AUTS2: variants seen among roughly 807,000 people sequenced by gnomAD.
AUTS2 encodes the protein autism susceptibility gene 2 protein.
AUTS2 carries 17 observed loss-of-function variants against 112.4 expected under a neutral mutation model. The ratio of observed to expected loss-of-function variants is 0.15; its 90% CI spans 0.10 to 0.23. The LOEUF is 0.23. Among genes scored for constraint, AUTS2 ranks in the 10% least tolerant of loss-of-function variants. The pLI is 1.00. For missense variants in AUTS2, 1,510 were observed against 1,701.6 expected, an observed-to-expected ratio of 0.89 and a Z score of 1.98; for synonymous variants, 751 against 702.7, an observed-to-expected ratio of 1.07 and a Z score of -1.09.
chr7:69,963,689 A>G (rs2129547215), intron 2 of AUTS2, among the ~76,000 whole-genome samples: 1 of 152,256 alleles, frequency 6.6e-6, no homozygotes, highest in Non-Finnish European at 1.5e-5. Context: ...TCTTACAGGA[A>G]TCCTCATTTT....
intron 2 of AUTS2, among the ~76,000 whole-genome samples, chr7:69,911,803 G>A (rs1047949331): frequency 6.6e-6 from 1 of 152,156 alleles, no homozygotes; most frequent in African/African-American, 2.4e-5. Flanking sequence ...AGCACCATCC[G>A]ATTGGCCAAA....
intron 6 of AUTS2, among the ~76,000 whole-genome samples, chr7:70,710,376 C>G (rs188848036): frequency 6.6e-6 from 1 of 152,152 alleles, no homozygotes; most frequent in Non-Finnish European, 1.5e-5. Context: ...TGTAGATAAT[C>G]GAAAGAATGT....
At chr7:70,120,097 T>C (rs1301430675) in intron 3 of AUTS2, 1 of 152,156 alleles carries the variant, frequency 6.6e-6, no homozygotes, top group Non-Finnish European at 1.5e-5. Context: ...GAGACCACTC[T>C]AGCACACTGA....
chr7:70,539,057 C>G (rs150917102), intron 5 of AUTS2, among the ~76,000 whole-genome samples: 1 of 152,090 alleles, frequency 6.6e-6, no homozygotes, highest in Non-Finnish European at 1.5e-5. Context: ...TGGAGGGGAC[C>G]GAATAGTGAG....
intron 4 of AUTS2, among the ~76,000 whole-genome samples, chr7:70,244,261 T>C (rs1248851550): frequency 2.0e-5 from 3 of 152,208 alleles, no homozygotes; most frequent in South Asian, 4.1e-4. Context: ...CTGTAGATGT[T>C]ATATTCATTT....
intron 1 of AUTS2, among the ~76,000 whole-genome samples, chr7:69,856,519 G>A (rs1253835264): frequency 1.3e-5 from 2 of 152,030 alleles, no homozygotes; most frequent in South Asian, 2.1e-4. Flanking sequence ...TTATAAACAG[G>A]AGATCTTTTA....
chr7:70,173,573 A>G (rs1014218640), intron 4 of AUTS2, among the ~76,000 whole-genome samples: 16 of 152,174 alleles, frequency 1.1e-4, no homozygotes, highest in East Asian at 1.9e-4. Flanking sequence ...TAATATGAGC[A>G]TACATTGCTT....
intron 4 of AUTS2, among the ~76,000 whole-genome samples, chr7:70,154,767 A>G (rs1807647524): frequency 6.6e-6 from 1 of 152,200 alleles, no homozygotes; most frequent in Non-Finnish European, 1.5e-5. Context: ...AGTGCAGCAC[A>G]TGGTAACCAG....
chr7:70,534,439 T>TG (rs1255976951), intron 5 of AUTS2, among the ~76,000 whole-genome samples: 1 of 147,274 alleles, frequency 6.8e-6, no homozygotes, highest in Non-Finnish European at 1.5e-5. Flanking sequence ...TTTGTTTGTT[T>TG]GTTTTGAGAC....
At chr7:70,146,287 C>A (rs948913038) in intron 4 of AUTS2, among the ~76,000 whole-genome samples, 1 of 151,380 alleles carries the variant, frequency 6.6e-6, no homozygotes, top group Non-Finnish European at 1.5e-5. Context: ...TGCTTTACTT[C>A]TTTTCCTGCT....
At chr7:70,344,802 A>G (rs1262372788) in intron 4 of AUTS2, among the ~76,000 whole-genome samples, 2 of 151,864 alleles carry the variant, frequency 1.3e-5, no homozygotes, top group African/African-American at 4.8e-5. Context: ...ACTGCTTGCA[A>G]CTCCTTCCTT....
chr7:69,747,031 G>C (rs1206843071), intron 1 of AUTS2, among the ~76,000 whole-genome samples: 1 of 152,238 alleles, frequency 6.6e-6, no homozygotes, highest in Non-Finnish European at 1.5e-5. Context: ...AGAAGCCTAA[G>C]TATCTGTGTT....
At position 70,614,790 on chromosome 7, in the gene AUTS2, C is replaced by A. The variant is rs549465721; in HGVS notation, c.691-83779C>A. 3.3e-5 allele frequency among the ~76,000 whole-genome samples: 5 copies of A among 152,344 alleles called. No individual in the cohort carries two copies. In the South Asian group the frequency reaches 8.3e-4, roughly 25 times the overall value. On this transcript the variant is annotated intron_variant, in intron 5 of 18. Coordinates refer to ENST00000342771, the MANE Select transcript of AUTS2 (RefSeq NM_015570.4). ...GGTAATCTGTGCTTACAGCCTCCCC[C>A]CTGGGGAGAAAGCCTAGCCAGCTGG... is the stretch of plus-strand genomic sequence containing the variant.
chr7:70,422,112 C>G (rs1430587861), intron 4 of AUTS2, among the ~76,000 whole-genome samples: 1 of 152,180 alleles, frequency 6.6e-6, no homozygotes, highest in East Asian at 1.9e-4. Context: ...AAAGGAATCA[C>G]TTTAGGATCC....
chr7:69,891,510 G>C (rs1006899071), intron 1 of AUTS2, among the ~76,000 whole-genome samples: 3 of 152,058 alleles, frequency 2.0e-5, no homozygotes, highest in African/African-American at 7.2e-5. Context: ...AGAACGGTTG[G>C]ATCATATGGT....
intron 6 of AUTS2, among the ~76,000 whole-genome samples, chr7:70,704,915 A>C (rs1373484256): frequency 6.6e-6 from 1 of 152,244 alleles, no homozygotes; most frequent in African/African-American, 2.4e-5. Flanking sequence ...ATTTAACATT[A>C]ACAGTAATTA....
intron 4 of AUTS2, among the ~76,000 whole-genome samples, chr7:70,405,954 G>C (rs896704776): frequency 1.1e-4 from 17 of 152,126 alleles, no homozygotes; most frequent in Non-Finnish European, 2.5e-4. Context: ...TTTTTTTCTA[G>C]GGGGGATTGG....
chr7:70,096,064 G>C (rs1463477248), intron 2 of AUTS2, among the ~76,000 whole-genome samples: 1 of 152,076 alleles, frequency 6.6e-6, no homozygotes, highest in Non-Finnish European at 1.5e-5. Flanking sequence ...CTTCTCTCCA[G>C]CTGTGGGAAA....
At chr7:69,725,226 C>G (rs188212051) in intron 1 of AUTS2, among the ~76,000 whole-genome samples, 86 of 152,248 alleles carry the variant, frequency 5.6e-4, no homozygotes, top group Admixed American at 2.3e-3. Context: ...GTATATCAAA[C>G]ACTTACTGTA....
Sources: allele counts gnomAD v4.1 joint callset (sites outside exome capture counted in the v4.1 genomes callset), GRCh38; gene constraint gnomAD v4.1.1; transcripts MANE v1.5; gene names NCBI Gene and HGNC (gene_info 2026-07-23, HGNC 2026-07-21).